SLF2: variants seen among roughly 807,000 people sequenced by gnomAD.
SLF2 encodes the protein SMC5/6 complex localization factor 2.
A neutral mutation model predicts 124.3 loss-of-function variants in SLF2; 68 were observed. The observed-to-expected ratio is 0.55, with a 90% confidence interval of 0.45 to 0.67. The LOEUF is 0.67. Ranked by LOEUF, SLF2 falls within the 30% of genes least tolerant of loss-of-function variation. SLF2 has a pLI of 0.00. For synonymous variants in SLF2, 480 were observed against 478.8 expected, an observed-to-expected ratio of 1.00 and a Z score of -0.03; for missense variants, 1,246 against 1,373.7, an observed-to-expected ratio of 0.91 and a Z score of 1.47.
intron 4 of SLF2, among the ~76,000 whole-genome samples, chr10:100,919,225 A>T (rs530157142): frequency 6.6e-6 from 1 of 151,904 alleles, no homozygotes; most frequent in Non-Finnish European, 1.5e-5. Flanking sequence ...GTTAGCCAGG[A>T]TGGTCTCGAT....
chr10:100,948,885 CAAAAA>C (rs1217580073), intron 15 of SLF2, among the ~76,000 whole-genome samples: 1 of 151,786 alleles, frequency 6.6e-6, no homozygotes, highest in Admixed American at 6.6e-5. Flanking sequence ...GACTCTGTCT[CAAAAA>C]AAAGCCCCAT....
chr10:100,916,288 T>C (rs1418692461), intron 2 of SLF2, among the ~76,000 whole-genome samples: 2 of 152,170 alleles, frequency 1.3e-5, no homozygotes, highest in African/African-American at 4.8e-5. Context: ...TCATAATACA[T>C]ACTATTTTGA....
In SLF2 at chr10:100,963,043, C is replaced by T. The variant is rs775223457; in HGVS notation, c.*1131C>T. ...GCCAACTAGAAAATTATTTTGTTGA[C>T]GAGATGTCCCTTTTAGGAGGGTTTG... On this transcript the variant is annotated 3_prime_UTR_variant, in exon 20 of 20. Coordinates refer to ENST00000238961, the MANE Select transcript of SLF2 (RefSeq NM_018121.4). 2.0e-5 allele frequency: 3 copies of T among 152,496 alleles called. No homozygotes were observed. Among genetic ancestry groups the T allele is most frequent in the Admixed American group, 1.3e-4 (2 of 15,276 alleles). 9.4% of individuals were successfully genotyped at this position (152,496 alleles called of 1,614,324 possible). A position where few individuals can be genotyped will look rare whatever the true frequency, so the allele number is the denominator to read the frequency against.
At chr10:100,939,569 T>G (rs941539804) in intron 11 of SLF2, among the ~76,000 whole-genome samples, 1 of 151,318 alleles carries the variant, frequency 6.6e-6, no homozygotes, top group African/African-American at 2.4e-5. Flanking sequence ...TCCCAGCTAC[T>G]TGGGAGGCTG....
At chr10:100,953,758 T>C (rs1850269851) in intron 17 of SLF2, among the ~76,000 whole-genome samples, 1 of 152,074 alleles carries the variant, frequency 6.6e-6, no homozygotes, top group African/African-American at 2.4e-5. Flanking sequence ...GTTCAAGTGA[T>C]TCTCCTGCCT....
chr10:100,942,729 G>C (rs1052031067), intron 11 of SLF2, among the ~76,000 whole-genome samples: 1 of 152,126 alleles, frequency 6.6e-6, no homozygotes, highest in East Asian at 1.9e-4. Context: ...ATGTTGGCCA[G>C]GCTGGTCTCG....
In SLF2 at chr10:100,928,079, CAGAG is replaced by C. The variant is rs71013474; in HGVS notation, c.2043-1216_2043-1213del. Among the ~76,000 whole-genome samples, 48 of 113,070 alleles carry C rather than the reference CAGAG, an allele frequency of 4.2e-4. 1 individual carries two copies. Among genetic ancestry groups the C allele is most frequent in the African/African-American group, 7.0e-4 (20 of 28,428 alleles). 74.2% of individuals were successfully genotyped at this position (113,070 alleles called of 152,430 possible). A position where few individuals can be genotyped will look rare whatever the true frequency, so the allele number is the denominator to read the frequency against. ...CACACACACACACACGAGAGAGAGA[CAGAG>C]AGAGAGAGAGAGAGAGAGAGAAAAG... On this transcript the variant is annotated intron_variant, in intron 6 of 19. Coordinates refer to ENST00000238961, the MANE Select transcript of SLF2 (RefSeq NM_018121.4).
intron 17 of SLF2, among the ~76,000 whole-genome samples, chr10:100,955,869 G>A (rs1850319790): frequency 6.7e-6 from 1 of 148,664 alleles, no homozygotes; most frequent in Non-Finnish European, 1.5e-5. Context: ...TCGCACCACT[G>A]CACTTCAACC....
At chr10:100,931,219 A>G (rs189426244) in intron 9 of SLF2, 141 bp downstream of exon 9, 157 of 650,726 alleles carry the variant, frequency 2.4e-4, no homozygotes, top group Non-Finnish European at 3.8e-4. Context: ...AGAATGTAGC[A>G]AAAAGAGTCA....
Position 100,944,018 on chromosome 10 carries a change from C to A in SLF2, c.2655-8C>A. Reference sequence around the variant, plus strand: ...TAACTTCACATTGCTTTACTCACTTCTCAATAGTTCTGAAACACAGACAAC... The same window carrying A: ...TAACTTCACATTGCTTTACTCACTTATCAATAGTTCTGAAACACAGACAAC... On this transcript the variant is annotated splice_region_variant and splice_polypyrimidine_tract_variant and intron_variant, in intron 11 of 19. Transcript: ENST00000238961. 1 of 1,590,862 alleles carries A rather than the reference C, an allele frequency of 6.3e-7. No individual in the cohort carries two copies. The highest frequency in any genetic ancestry group is 8.6e-7 in the Non-Finnish European group (1 of 1,167,180).
At chr10:100,959,585 A>G (rs1850392249) in intron 19 of SLF2, 89 bp downstream of exon 19, 1 of 1,467,294 alleles carries the variant, frequency 6.8e-7, no homozygotes, top group African/African-American at 1.4e-5. Flanking sequence ...AGGGTATAAC[A>G]GTGCACTTGC....
intron 15 of SLF2, among the ~76,000 whole-genome samples, chr10:100,948,516 ACT>A (rs1225650073): frequency 6.6e-6 from 1 of 152,064 alleles, no homozygotes; most frequent in Non-Finnish European, 1.5e-5. Flanking sequence ...TGGAAGTCCC[ACT>A]CTGAGTAAAA....
rs1063665 is a variant in SLF2 at position 100,965,039 on chromosome 10, T to C, written c.*3127T>C. 1 of 141,066 alleles carries C rather than the reference T, an allele frequency of 7.1e-6. No homozygotes were observed. The highest frequency in any genetic ancestry group is 1.6e-5 in the Non-Finnish European group (1 of 64,500). 8.7% of individuals were successfully genotyped at this position (141,066 alleles called of 1,614,324 possible). The stretch of plus-strand genomic sequence containing the variant: ...AGTAAATACAGATTTTTTTCTTTCC[T>C]TTTTTTTTTTTTTAAAGATTTTATA... On this transcript the variant is annotated 3_prime_UTR_variant, in exon 20 of 20. Coordinates refer to ENST00000238961, the MANE Select transcript of SLF2 (RefSeq NM_018121.4). This position sits in a 1 kb window ranked among gnomAD's most constrained non-coding sequence, Gnocchi z 4.1.
chr10:100,948,232 C>T (rs1253126975), intron 15 of SLF2, among the ~76,000 whole-genome samples: 1 of 152,152 alleles, frequency 6.6e-6, no homozygotes, highest in African/African-American at 2.4e-5. Context: ...CATCTTTAAC[C>T]TGTTTTAAAA....
chr10:100,922,002 A>C (rs1849530824), intron 4 of SLF2, among the ~76,000 whole-genome samples: 1 of 152,228 alleles, frequency 6.6e-6, no homozygotes, highest in South Asian at 2.1e-4. Context: ...AATTTTTATA[A>C]ATTGAATTTT....
intron 17 of SLF2, among the ~76,000 whole-genome samples, chr10:100,954,803 G>A (rs1365521725): frequency 6.6e-6 from 1 of 152,136 alleles, no homozygotes; most frequent in Admixed American, 6.5e-5. Flanking sequence ...CTAGCTAAGT[G>A]TGGTGGCACG....
At chr10:100,928,815 C>T (rs1589949790) in intron 6 of SLF2, among the ~76,000 whole-genome samples, 1 of 152,146 alleles carries the variant, frequency 6.6e-6, no homozygotes, top group East Asian at 1.9e-4. Context: ...AGTGCAGTGC[C>T]TGTCACATAT....
intron 8 of SLF2, 55 bp downstream of exon 8, chr10:100,930,052 C>A: frequency 8.6e-7 from 1 of 1,162,454 alleles, no homozygotes; most frequent in Non-Finnish European, 1.2e-6. Context: ...TACTCTAAAA[C>A]ACTTCTGACT....
Position 100,939,677 on chromosome 10 carries a change from A to G in SLF2, c.2654+941A>G, listed in dbSNP as rs1323246994. Reference sequence around the variant, plus strand: ...TGGGTGACAGAGTGAGACTCCATCTAAAAAAAAAAAAGGAAACTGGTTACA... The same window carrying G: ...TGGGTGACAGAGTGAGACTCCATCTGAAAAAAAAAAAGGAAACTGGTTACA... On this transcript the variant is annotated intron_variant, in intron 11 of 19. Coordinates refer to ENST00000238961, the MANE Select transcript of SLF2 (RefSeq NM_018121.4). Among the ~76,000 whole-genome samples, 7 of 141,802 alleles carry G rather than the reference A, an allele frequency of 4.9e-5. No individual in the cohort carries two copies. The East Asian group carries it at 1.4e-3, about 28-fold the overall frequency. 93.0% of individuals were successfully genotyped at this position (141,802 alleles called of 152,430 possible). A position where few individuals can be genotyped will look rare whatever the true frequency, so the allele number is the denominator to read the frequency against.
Sources: gnomAD v4.1 joint callset for allele counts (sites outside exome capture counted in the v4.1 genomes callset) on GRCh38, gnomAD v4.1.1 for gene constraint, Gnocchi (gnomAD v3.1) non-coding constraint, MANE v1.5 for transcripts, NCBI Gene and HGNC (gene_info 2026-07-23, HGNC 2026-07-21) for gene names.